The following HSD17B11 variants were observed in gnomAD, a reference collection of about 807,000 sequenced individuals.
HSD17B11 encodes the protein hydroxysteroid 17-beta dehydrogenase 11, also known as estradiol 17-beta-dehydrogenase 11.
In HSD17B11, 22 loss-of-function variants were observed where a neutral mutation model predicts 27.8. The observed-to-expected ratio is 0.79, with a 90% CI of 0.56 to 1.13. The LOEUF is 1.13. Among genes scored for constraint, HSD17B11 ranks in the 50% most tolerant of loss-of-function variants. The pLI is 0.00. For missense variants in HSD17B11, 314 were observed against 351.1 expected (o/e 0.89, Z 0.84); for synonymous variants, 117 against 132.8 (o/e 0.88, Z 0.82).
chr4:87,363,952 C>T (rs1021809636), intron 4 of HSD17B11, among the ~76,000 whole-genome samples: 21 of 152,178 alleles, frequency 1.4e-4, no homozygotes, highest in African/African-American at 5.1e-4. Flanking sequence ...GGCCGCTTGG[C>T]ATGGCTAAAG....
chr4:87,377,098 C>T (rs991086334), intron 2 of HSD17B11, among the ~76,000 whole-genome samples: 60 of 151,798 alleles, frequency 4.0e-4, no homozygotes, highest in African/African-American at 1.4e-3. Context: ...CCATTGCACG[C>T]CCGCCTGGGT....
rs992069917 is a variant in HSD17B11, at chr4:87,343,451, C to T, written c.696-2845G>A. 5.9e-5 allele frequency among the ~76,000 whole-genome samples: 9 copies of T among 151,706 alleles called. No individual in the cohort carries two copies. The East Asian group carries it at 1.5e-3, about 26-fold the overall frequency. ...GGGTGCATGTTGGGGTAGAGAAATA[C>T]TGAGGGGGAAGGAGTATTTTCGTCT... On this transcript the variant is annotated intron_variant, in intron 5 of 6. Transcript: ENST00000358290.
At chr4:87,340,424 G>C (rs1337839582) in intron 6 of HSD17B11, 66 bp downstream of exon 6, 3 of 1,017,326 alleles carry the variant, frequency 2.9e-6, no homozygotes, top group Non-Finnish European at 2.9e-6. Flanking sequence ...TTAAATGTCA[G>C]TAAAAAATGC....
chr4:87,356,923 C>T (rs1735396850), intron 5 of HSD17B11, among the ~76,000 whole-genome samples: 1 of 152,034 alleles, frequency 6.6e-6, no homozygotes. Flanking sequence ...ACTACCCTAC[C>T]CCAACCAAAC....
At chr4:87,379,149 G>A (rs1219992124) in intron 2 of HSD17B11, among the ~76,000 whole-genome samples, 1 of 147,556 alleles carries the variant, frequency 6.8e-6, no homozygotes, top group Non-Finnish European at 1.5e-5. Context: ...TAGAGACAGG[G>A]TTTCATCATA....
chr4:87,368,674 A>C (rs1161110607), intron 4 of HSD17B11, among the ~76,000 whole-genome samples: 4 of 152,232 alleles, frequency 2.6e-5, no homozygotes. Context: ...AGGTCAGCAC[A>C]AAATACAGGT....
At chr4:87,370,290 A>C (rs1735683214) in intron 4 of HSD17B11, among the ~76,000 whole-genome samples, 1 of 152,228 alleles carries the variant, frequency 6.6e-6, no homozygotes, top group African/African-American at 2.4e-5. Context: ...AGGAAGTGGA[A>C]TTGAAATGTA....
At chr4:87,363,272 T>TTC (rs1364988928) in intron 4 of HSD17B11, among the ~76,000 whole-genome samples, 1 of 152,116 alleles carries the variant, frequency 6.6e-6, no homozygotes, top group African/African-American at 2.4e-5. Flanking sequence ...GATTTTTAGC[T>TTC]TCTCTCTCTC....
At chr4:87,377,782 T>G (rs1371488253) in intron 2 of HSD17B11, among the ~76,000 whole-genome samples, 3 of 152,184 alleles carry the variant, frequency 2.0e-5, no homozygotes, top group African/African-American at 7.2e-5. Flanking sequence ...TTATCATTAT[T>G]TAGAGATAGT....
intron 5 of HSD17B11, among the ~76,000 whole-genome samples, chr4:87,354,483 A>G (rs1735343840): frequency 6.6e-6 from 1 of 151,442 alleles, no homozygotes; most frequent in Admixed American, 6.6e-5. Context: ...CTCTACAAAA[A>G]ATTTAGAAAT....
chr4:87,378,278 A>G (rs1050668457), intron 2 of HSD17B11, among the ~76,000 whole-genome samples: 1 of 152,148 alleles, frequency 6.6e-6, no homozygotes, highest in Non-Finnish European at 1.5e-5. Context: ...CCCTTTCTTC[A>G]TCATTGCCTA....
intron 4 of HSD17B11, among the ~76,000 whole-genome samples, chr4:87,370,331 AC>A (rs1193660714): frequency 1.3e-5 from 2 of 152,230 alleles, no homozygotes; most frequent in Admixed American, 1.3e-4. Flanking sequence ...GTTATTGAAC[AC>A]TTGCAGGATT....
intron 5 of HSD17B11, among the ~76,000 whole-genome samples, chr4:87,347,022 T>G (rs908703375): frequency 6.6e-6 from 1 of 151,486 alleles, no homozygotes; most frequent in East Asian, 1.9e-4. Context: ...TATACCTTTA[T>G]AGTAAACAGT....
At chr4:87,384,942 C>G (rs570559183) in intron 1 of HSD17B11, among the ~76,000 whole-genome samples, 1 of 151,988 alleles carries the variant, frequency 6.6e-6, no homozygotes, top group Non-Finnish European at 1.5e-5. Flanking sequence ...CGTGATGTCA[C>G]CCCCAGCGGC....
intron 4 of HSD17B11, among the ~76,000 whole-genome samples, chr4:87,371,562 T>C (rs1016020833): frequency 6.6e-6 from 1 of 152,232 alleles, no homozygotes; most frequent in Admixed American, 6.5e-5. Flanking sequence ...TACGACTTCT[T>C]CATTCTTATA....
At chr4:87,365,062 G>A (rs1240954866) in intron 4 of HSD17B11, among the ~76,000 whole-genome samples, 2 of 152,186 alleles carry the variant, frequency 1.3e-5, no homozygotes, top group African/African-American at 4.8e-5. Context: ...CCAGCTACGC[G>A]GGAGGCTGAG....
intron 6 of HSD17B11, among the ~76,000 whole-genome samples, chr4:87,339,562 C>G (rs1419368362): frequency 6.6e-6 from 1 of 152,200 alleles, no homozygotes. Flanking sequence ...CAGTCTAGGA[C>G]AGGCAGCAAG....
chr4:87,360,457 G>A (rs1735485949), intron 4 of HSD17B11, among the ~76,000 whole-genome samples: 1 of 152,194 alleles, frequency 6.6e-6, no homozygotes, highest in Non-Finnish European at 1.5e-5. Flanking sequence ...AAATAGTTGG[G>A]AATAATGTGA....
chr4:87,359,606 C>T (rs1468600235), intron 4 of HSD17B11, among the ~76,000 whole-genome samples: 1 of 152,188 alleles, frequency 6.6e-6, no homozygotes, highest in Non-Finnish European at 1.5e-5. Flanking sequence ...TTAAGTCATA[C>T]TTTTGCCTCA....
Sources: allele counts gnomAD v4.1 joint callset (sites outside exome capture counted in the v4.1 genomes callset), GRCh38; gene constraint gnomAD v4.1.1; transcripts MANE v1.5; gene names NCBI Gene and HGNC (gene_info 2026-07-23, HGNC 2026-07-21).